Variants in EML4 observed in about 807,000 individuals in gnomAD.
EML4 encodes the protein EMAP like 4.
In EML4, 72 loss-of-function variants were observed where a neutral mutation model predicts 129.0. The observed-to-expected ratio is 0.56, with a 90% CI of 0.46 to 0.68. EML4 has a LOEUF of 0.68. Ranked by LOEUF, EML4 falls within the 30% of genes least tolerant of loss-of-function variation. EML4 has a pLI of 0.00. For missense variants in EML4, 1,363 were observed against 1,190.6 expected, an observed-to-expected ratio of 1.14 and a Z score of -2.13; for synonymous variants, 532 against 405.0, an observed-to-expected ratio of 1.31 and a Z score of -3.77.
intron 5 of EML4, 142 bp downstream of exon 5, chr2:42,263,448 A>T: frequency 1.3e-6 from 1 of 769,746 alleles, no homozygotes; most frequent in Non-Finnish European, 1.8e-6. Flanking sequence ...CTCTGTCGCC[A>T]GGCTGGAGTG....
At chr2:42,278,505 C>T (rs1202241560) in intron 6 of EML4, among the ~76,000 whole-genome samples, 2 of 117,504 alleles carry the variant, frequency 1.7e-5, no homozygotes, top group South Asian at 2.9e-4. Context: ...ACCCGGGTGG[C>T]GGAGGTTGCG....
At position 42,241,899 on chromosome 2, in the gene EML4, ATATG is replaced by A. The variant is rs758285102; in HGVS notation, c.26-3605_26-3602del. Among the ~76,000 whole-genome samples the A allele has an allele frequency of 4.6e-5, 7 of 152,002 alleles. No individual in the cohort carries two copies. In the South Asian group the frequency reaches 1.5e-3, roughly 32 times the overall value. On this transcript the variant is annotated intron_variant, in intron 1 of 22. Coordinates refer to ENST00000318522, the MANE Select transcript of EML4 (RefSeq NM_019063.5). Reference sequence around the variant, plus strand: ...CGGGGGGGGGAAGCTGAGGTAATAAATATGAAAGGCACAATATAAATGCAGGCAA... The same window carrying A: ...CGGGGGGGGGAAGCTGAGGTAATAAAAAAGGCACAATATAAATGCAGGCAA...
At chr2:42,266,471 A>G (rs1666071491) in intron 6 of EML4, among the ~76,000 whole-genome samples, 1 of 152,020 alleles carries the variant, frequency 6.6e-6, no homozygotes, top group Non-Finnish European at 1.5e-5. Flanking sequence ...AAGCCTCCCA[A>G]GTAGCTGGGA....
At chr2:42,254,973 T>C (rs1676031254) in intron 2 of EML4, among the ~76,000 whole-genome samples, 1 of 152,202 alleles carries the variant, frequency 6.6e-6, no homozygotes, top group Non-Finnish European at 1.5e-5. Flanking sequence ...TGCTACAACA[T>C]GGTGAACCTT....
intron 1 of EML4, among the ~76,000 whole-genome samples, chr2:42,214,310 T>C (rs1212840503): frequency 3.3e-5 from 5 of 152,230 alleles, no homozygotes; most frequent in East Asian, 1.9e-4. Flanking sequence ...TGGACTGTTA[T>C]TTGATGCTTA....
At chr2:42,178,251 A>G (rs1670723858) in intron 1 of EML4, among the ~76,000 whole-genome samples, 1 of 152,164 alleles carries the variant, frequency 6.6e-6, no homozygotes, top group East Asian at 1.9e-4. Context: ...ACTTTGAAAG[A>G]GAATTTTCAG....
chr2:42,215,837 A>G (rs902312587), intron 1 of EML4, among the ~76,000 whole-genome samples: 11 of 152,226 alleles, frequency 7.2e-5, no homozygotes, highest in African/African-American at 2.4e-4. Flanking sequence ...ATACCCAGCC[A>G]AACTTTGGTT....
intron 14 of EML4, among the ~76,000 whole-genome samples, chr2:42,301,871 C>G (rs1398135139): frequency 6.6e-6 from 1 of 152,106 alleles, no homozygotes; most frequent in African/African-American, 2.4e-5. Flanking sequence ...ACTTCCATCA[C>G]TGTTTTCTTC....
intron 6 of EML4, among the ~76,000 whole-genome samples, chr2:42,269,069 T>C (rs977111396): frequency 3.3e-5 from 5 of 152,210 alleles, no homozygotes; most frequent in Non-Finnish European, 7.3e-5. Flanking sequence ...TACAGTGATA[T>C]CCTAACTGTA....
rs149486569 is a variant in EML4, at chr2:42,222,787, GTTTGTTTTGT to G, written c.26-22699_26-22690del. On this transcript the variant is annotated intron_variant, in intron 1 of 22. Transcript: ENST00000318522. Reference sequence around the variant, plus strand: ...TATATAGAAATATAACGGTTCTTTTGTTTGTTTTGTTTTGTTTTGTTTTGTTTTTGAGATG... The same window carrying G: ...TATATAGAAATATAACGGTTCTTTTGTTTGTTTTGTTTTGTTTTTGAGATG... Among the ~76,000 whole-genome samples, 29 of 150,966 alleles carry G rather than the reference GTTTGTTTTGT, an allele frequency of 1.9e-4. 1 individual carries two copies. Among genetic ancestry groups the G allele is most frequent in the African/African-American group, 4.4e-4 (18 of 41,190 alleles).
At chr2:42,254,544 G>C (rs1675995692) in intron 2 of EML4, among the ~76,000 whole-genome samples, 1 of 149,856 alleles carries the variant, frequency 6.7e-6, no homozygotes, top group Admixed American at 6.6e-5. Context: ...GCAAAATAAA[G>C]GAAGTAGGGA....
intron 1 of EML4, among the ~76,000 whole-genome samples, chr2:42,174,625 CTT>C (rs1670485731): frequency 6.6e-6 from 1 of 152,066 alleles, no homozygotes; most frequent in Admixed American, 6.6e-5. Flanking sequence ...TATATGATCT[CTT>C]GTCCTTTAGC....
At chr2:42,283,148 G>A (rs1187896022) in intron 8 of EML4, among the ~76,000 whole-genome samples, 176 bp downstream of exon 8, 3 of 152,178 alleles carry the variant, frequency 2.0e-5, no homozygotes, top group African/African-American at 7.2e-5. Flanking sequence ...CCTCCAAAAT[G>A]GTGGTGTGGT....
chr2:42,301,098 G>T, intron 13 of EML4, 143 bp from the exon 14 acceptor site: 2 of 630,424 alleles, frequency 3.2e-6, no homozygotes, highest in Non-Finnish European at 5.3e-6. Context: ...TTGCACAAAA[G>T]ACTTGCTGAA....
At chr2:42,236,298 A>T (rs1674669645) in intron 1 of EML4, among the ~76,000 whole-genome samples, 1 of 152,226 alleles carries the variant, frequency 6.6e-6, no homozygotes, top group Non-Finnish European at 1.5e-5. Context: ...TTGGTTGTTA[A>T]TATCACAATT....
rs1418307187 is a variant in EML4, at chr2:42,332,074, T to G, written c.*1867T>G. On this transcript the variant is annotated 3_prime_UTR_variant, in exon 23 of 23. Transcript: ENST00000318522. ...TATATATCTGTCTGTTAGCAATGAT[T>G]ATTACATCATCAGATCAGCATGTGC... 4.5e-6 allele frequency: 1 copy of G among 221,952 alleles called. No homozygotes were observed. The highest frequency in any genetic ancestry group is 2.2e-5 in the African/African-American group (1 of 44,700). The allele number at this position is 221,952 out of a possible 1,614,324, so 13.7% of individuals were successfully genotyped here.
intron 6 of EML4, 93 bp downstream of exon 6, chr2:42,264,824 C>T (rs762847086): frequency 1.1e-5 from 15 of 1,391,674 alleles, no homozygotes; most frequent in African/African-American, 4.4e-5. Context: ...TGCACTTTAT[C>T]AGTTCATAGT....
chr2:42,331,773 T>C lies in EML4; in HGVS notation c.*1566T>C, dbSNP rs1342948800. 1.4e-5 allele frequency: 3 copies of C among 221,464 alleles called. No individual in the cohort carries two copies. The highest frequency in any genetic ancestry group is 6.7e-5 in the African/African-American group (3 of 44,684). The allele number at this position is 221,464 out of a possible 1,614,324, so 13.7% of individuals were successfully genotyped here. Reference sequence around the variant, plus strand: ...AACTCCCAAGGACATTTACAACATTTATATTCACACGCTGTATGGAAGGGT... The same window carrying C: ...AACTCCCAAGGACATTTACAACATTCATATTCACACGCTGTATGGAAGGGT... On this transcript the variant is annotated 3_prime_UTR_variant, in exon 23 of 23. Transcript: ENST00000318522.
chr2:42,224,322 G>C (rs997286503), intron 1 of EML4, among the ~76,000 whole-genome samples: 1 of 152,042 alleles, frequency 6.6e-6, no homozygotes, highest in Non-Finnish European at 1.5e-5. Flanking sequence ...TTTTGTCACT[G>C]GCTTCTTTCA....
Sources: allele counts gnomAD v4.1 joint callset (sites outside exome capture counted in the v4.1 genomes callset), GRCh38; gene constraint gnomAD v4.1.1; transcripts MANE v1.5; gene names NCBI Gene and HGNC (gene_info 2026-07-23, HGNC 2026-07-21).